The following GP2 variants were observed in gnomAD, a reference collection of about 807,000 sequenced individuals.
The protein encoded by GP2 is pancreatic secretory granule membrane major glycoprotein GP2.
GP2 carries 58 observed loss-of-function variants against 60.8 expected under a neutral mutation model. The ratio of observed to expected loss-of-function variants is 0.95; its 90% CI spans 0.77 to 1.19. The LOEUF (loss-of-function observed/expected upper bound fraction) is 1.19. Among genes scored for constraint, GP2 ranks in the 50% most tolerant of loss-of-function variants. The pLI is 0.00. For missense variants in GP2, 647 were observed against 667.4 expected (o/e 0.97, Z 0.34); for synonymous variants, 280 against 253.4 (o/e 1.10, Z -1.00).
intron 7 of GP2, 69 bp downstream of exon 7, chr16:20,318,116 A>T: frequency 3.9e-6 from 5 of 1,273,862 alleles, no homozygotes; most frequent in Non-Finnish European, 5.7e-6. Context: ...TCTGCTGGGG[A>T]TGGATGAGAT....
intron 10 of GP2, among the ~76,000 whole-genome samples, chr16:20,313,926 C>G (rs544370819): frequency 8.5e-5 from 13 of 152,136 alleles, no homozygotes; most frequent in Non-Finnish European, 7.4e-5. Context: ...TTGGAAGGAG[C>G]CTGGGTCTTT....
Position 20,327,471 on chromosome 16 carries a change from G to A in GP2, c.-41C>T, listed in dbSNP as rs749224172. The A allele has an allele frequency of 2.3e-5, 30 of 1,288,156 alleles. No individual in the cohort carries two copies. The highest frequency in any genetic ancestry group is 6.1e-5 in the African/African-American group (4 of 65,836). The allele number at this position is 1,288,156 out of a possible 1,614,324, so 79.8% of individuals were successfully genotyped here. A position where few individuals can be genotyped will look rare whatever the true frequency, so the allele number is the denominator to read the frequency against. ...GGGGCTTAAAGCAGGACTTACCTCC[G>A]ATGAGAACACAAAGCGTTCCTCCTC... is the stretch of plus-strand genomic sequence containing the variant. On this transcript the variant is annotated 5_prime_UTR_variant, in exon 1 of 11. Coordinates refer to ENST00000302555, the MANE Select transcript of GP2 (RefSeq NM_001502.4).
In GP2 at chr16:20,324,176, A is replaced by G. The variant is rs773847094; in HGVS notation, c.175T>C (p.Cys59Arg). The change falls in exon 3 of 11, where the codon TGT (cysteine) becomes CGT (arginine). Residue 59 changes from cysteine to arginine, a missense_variant. Coordinates refer to ENST00000302555, the MANE Select transcript of GP2 (RefSeq NM_001502.4). Reference protein sequence around the residue: ...GAPGTPEAHVCFDPCQNYTLL... With the variant: ...GAPGTPEAHVRFDPCQNYTLL... ...GTGTAATTCTGACAGGGGTCAAAACAGACATGAGCCTCTGGGGTGCCAGGA... is the reference window on the plus strand; with the variant it reads ...GTGTAATTCTGACAGGGGTCAAAACGGACATGAGCCTCTGGGGTGCCAGGA... The G allele has an allele frequency of 6.2e-7, 1 of 1,614,026 alleles. No individual in the cohort carries two copies. The highest frequency in any genetic ancestry group is 8.5e-7 in the Non-Finnish European group (1 of 1,179,848).
At chr16:20,319,866 C>T in intron 5 of GP2, 98 bp from the exon 6 acceptor site, 3 of 930,802 alleles carry the variant, frequency 3.2e-6, no homozygotes, top group East Asian at 2.4e-5. Flanking sequence ...TTTGCTTAAC[C>T]ATGCAGCCAC....
Position 20,320,349 on chromosome 16 carries a change from G to A in GP2, c.771C>T (p.Asn257=). The stretch of plus-strand genomic sequence containing the variant: ...CCTCTGTCTGCAAGATGCTGCTGCA[G>A]TTTGGGTCTCGCAGGTAGGCAATGA... ...EEVIAYLRDP[N]CSSILQTEER... The change falls in exon 5 of 11, where the codon AAC becomes AAT. Residue 257 remains asparagine (N), a synonymous_variant. Transcript: ENST00000302555. 2 of 1,614,068 alleles carry A rather than the reference G, an allele frequency of 1.2e-6. No homozygotes were observed. Among genetic ancestry groups the A allele is most frequent in the Non-Finnish European group, 1.7e-6 (2 of 1,179,922 alleles).
At chr16:20,321,049 C>G (rs1213317738) in intron 4 of GP2, among the ~76,000 whole-genome samples, 1 of 131,100 alleles carries the variant, frequency 7.6e-6, no homozygotes, top group Non-Finnish European at 1.7e-5. Context: ...CTCTCTGTCT[C>G]TCTTTTTTTT....
intron 1 of GP2, 192 bp from the exon 2 acceptor site, chr16:20,326,659 G>T: frequency 3.8e-6 from 2 of 531,204 alleles, no homozygotes; most frequent in Non-Finnish European, 6.7e-6. Flanking sequence ...GGCTAGTACT[G>T]CAGAATGTCC....
chr16:20,315,995 G>C lies in GP2; in HGVS notation c.1462C>G (p.Leu488Val). ...GGCCCCAAATCTAGAACCCGGGCTA[G>C]GTCGATGGCCGGTACTTCACTGCGG... ...QVRSEVPAID[L>V]ARVLDLGPIT... Residue 488 changes from leucine (L) to valine (V), a missense_variant, in exon 9 of 11, where the codon CTA (leucine) becomes GTA (valine). Transcript: ENST00000302555. 6.2e-7 allele frequency: 1 copy of C among 1,613,374 alleles called. No individual in the cohort carries two copies. Among genetic ancestry groups the C allele is most frequent in the Non-Finnish European group, 8.5e-7 (1 of 1,179,362 alleles).
Position 20,311,424 on chromosome 16 carries a change from T to A in GP2, c.1547-143A>T, listed in dbSNP as rs371173756. 3.5e-5 allele frequency: 22 copies of A among 623,740 alleles called. No individual in the cohort carries two copies. The African/African-American group carries it at 4.1e-4, about 12-fold the overall frequency. The allele number at this position is 623,740 out of a possible 1,614,324, so 38.6% of individuals were successfully genotyped here. On this transcript the variant is annotated intron_variant, in intron 10 of 10. Transcript: ENST00000302555. Reference sequence around the variant, plus strand: ...CTGGCCTAGTTATAGTCTCTGGGACTCACATGGTAGAGGCAATCTAATCAC... The same window carrying A: ...CTGGCCTAGTTATAGTCTCTGGGACACACATGGTAGAGGCAATCTAATCAC...
intron 10 of GP2, among the ~76,000 whole-genome samples, chr16:20,311,603 A>G (rs954483406): frequency 3.3e-5 from 5 of 152,202 alleles, no homozygotes; most frequent in African/African-American, 1.2e-4. Context: ...AAAGCCTCCT[A>G]TATATCCTGT....
intron 3 of GP2, among the ~76,000 whole-genome samples, chr16:20,323,188 C>G (rs1269989425): frequency 1.3e-5 from 2 of 152,182 alleles, no homozygotes; most frequent in African/African-American, 4.8e-5. Context: ...AGGCAAGACT[C>G]TATTCTAAGG....
In GP2 at chr16:20,324,071, G is replaced by A. The variant is rs1964456434; in HGVS notation, c.280C>T (p.Arg94Cys). ...CTTACTCCTCCTTCCCCTACAAAGC[G>A]GTACCAGCCGCTCATGTTTTTATCG... is the stretch of plus-strand genomic sequence containing the variant. Reference protein sequence around the residue: ...GCDKNMSGWYRFVGEGGVRMS... With the variant: ...GCDKNMSGWYCFVGEGGVRMS... The change falls in exon 3 of 11, where the codon CGC (arginine) becomes TGC (cysteine). Residue 94 changes from arginine to cysteine, a missense_variant. Physicochemically the swap from Arg to Cys is radical, Grantham distance 180. Coordinates refer to ENST00000302555, the MANE Select transcript of GP2 (RefSeq NM_001502.4). 2.5e-6 allele frequency: 4 copies of A among 1,613,980 alleles called. No individual in the cohort carries two copies. The highest frequency in any genetic ancestry group is 3.4e-6 in the Non-Finnish European group (4 of 1,179,840).
chr16:20,324,407 T>C, intron 2 of GP2, 151 bp from the exon 3 acceptor site: 2 of 609,294 alleles, frequency 3.3e-6, no homozygotes, highest in Non-Finnish European at 5.9e-6. Context: ...CTTCATCACC[T>C]TGGGGGCAGA....
intron 7 of GP2, 119 bp downstream of exon 7, chr16:20,318,066 G>T: frequency 1.3e-6 from 1 of 799,832 alleles, no homozygotes; most frequent in Non-Finnish European, 2.1e-6. Flanking sequence ...ATATTTCTGG[G>T]TCAAAGATTG....
At chr16:20,323,394 G>A (rs368242138) in intron 3 of GP2, 5 of 718,458 alleles carry the variant, frequency 7.0e-6, no homozygotes, top group African/African-American at 3.5e-5. Flanking sequence ...GTGGAACTGG[G>A]GAGAGGATCA....
chr16:20,316,523 A>T (rs1964179557), intron 8 of GP2, among the ~76,000 whole-genome samples: 2 of 152,216 alleles, frequency 1.3e-5, no homozygotes, highest in Admixed American at 1.3e-4. Context: ...CTCACAGTGG[A>T]GTAGGCAAAA....
chr16:20,312,367 G>A, intron 10 of GP2, among the ~76,000 whole-genome samples: 1 of 152,090 alleles, frequency 6.6e-6, no homozygotes, highest in East Asian at 1.9e-4. Flanking sequence ...AACAGTACAT[G>A]ACAAAAAGTT....
At position 20,311,224 on chromosome 16, in the gene GP2, C is replaced by G; in HGVS notation, c.1604G>C (p.Ter535SerextTer4). The change falls in exon 11 of 11, where the codon TGA becomes TCA. Residue 535 changes from the stop codon to serine (S), a stop_lost. Coordinates refer to ENST00000302555, the MANE Select transcript of GP2 (RefSeq NM_001502.4). Reference protein sequence around the residue: ...LLTVLLAWLF* With the variant: ...LLTVLLAWLFS ...AAGGCCAGATGCTCAGCGGAGCTCT[C>G]AGAACAGCCAAGCCAGGAGGACAGT... The G allele has an allele frequency of 6.2e-7, 1 of 1,606,128 alleles. No homozygotes were observed. Among genetic ancestry groups the G allele is most frequent in the Non-Finnish European group, 8.5e-7 (1 of 1,172,808 alleles).
At chr16:20,319,218 G>A (rs574371442) in intron 6 of GP2, among the ~76,000 whole-genome samples, 2 of 152,172 alleles carry the variant, frequency 1.3e-5, no homozygotes, top group South Asian at 4.2e-4. Flanking sequence ...CCTGTTCCCT[G>A]CTCCCAAAGC....
Sources: gnomAD v4.1 joint callset for allele counts (sites outside exome capture counted in the v4.1 genomes callset) on GRCh38, gnomAD v4.1.1 for gene constraint, MANE v1.5 for transcripts, NCBI Gene and HGNC (gene_info 2026-07-23, HGNC 2026-07-21) for gene names.